The following CPNE8 variants were observed in gnomAD, a reference collection of about 807,000 sequenced individuals.
CPNE8 encodes the protein copine-8.
Under a neutral mutation model 81.5 loss-of-function variants are expected in CPNE8, and 45 were observed. That is an observed-to-expected ratio of 0.55 (90% CI 0.44 to 0.71). CPNE8 has a LOEUF of 0.71. Among genes scored for constraint, CPNE8 ranks in the 30% least tolerant of loss-of-function variants. The pLI, the probability that CPNE8 is intolerant of heterozygous loss-of-function variation, is 0.00. For missense variants in CPNE8, 594 were observed against 672.1 expected (o/e 0.88, Z 1.28); for synonymous variants, 252 against 226.3 (o/e 1.11, Z -1.02).
intron 14 of CPNE8, among the ~76,000 whole-genome samples, chr12:38,702,377 G>A (rs1377612949): frequency 6.6e-6 from 1 of 151,998 alleles, no homozygotes. Flanking sequence ...AGATATTAAT[G>A]TGTTAACATA....
At chr12:38,880,803 A>G (rs1315151624) in intron 1 of CPNE8, among the ~76,000 whole-genome samples, 2 of 152,194 alleles carry the variant, frequency 1.3e-5, no homozygotes, top group African/African-American at 4.8e-5. Context: ...CTGAATAAAC[A>G]ATACCCTGAG....
intron 3 of CPNE8, among the ~76,000 whole-genome samples, chr12:38,869,254 C>G (rs546344034): frequency 6.6e-6 from 1 of 152,244 alleles, no homozygotes; most frequent in South Asian, 2.1e-4. Context: ...CAGGAATTTA[C>G]CTACCTGCCA....
chr12:38,844,442 A>G (rs1297268488), intron 4 of CPNE8, among the ~76,000 whole-genome samples: 1 of 152,208 alleles, frequency 6.6e-6, no homozygotes, highest in East Asian at 1.9e-4. Context: ...ATGAAAATAA[A>G]TAAATGTCAA....
At chr12:38,786,894 G>C (rs1942202260) in intron 6 of CPNE8, among the ~76,000 whole-genome samples, 2 of 152,026 alleles carry the variant, frequency 1.3e-5, no homozygotes, top group Admixed American at 1.3e-4. Context: ...AATTATACTG[G>C]AGACTGGAAC....
chr12:38,830,644 A>G (rs1296810581), intron 5 of CPNE8, among the ~76,000 whole-genome samples: 2 of 152,240 alleles, frequency 1.3e-5, no homozygotes, highest in African/African-American at 4.8e-5. Flanking sequence ...AGAAGGATGG[A>G]CAGAGAGGAT....
chr12:38,876,458 C>T (rs1944067688), intron 1 of CPNE8, among the ~76,000 whole-genome samples: 2 of 152,256 alleles, frequency 1.3e-5, no homozygotes, highest in South Asian at 2.1e-4. Flanking sequence ...GGTGATCCAC[C>T]CACCTCTGCC....
At chr12:38,705,395 T>C (rs978432851) in intron 13 of CPNE8, among the ~76,000 whole-genome samples, 3 of 152,180 alleles carry the variant, frequency 2.0e-5, no homozygotes. Flanking sequence ...TCACACATTT[T>C]TTTTCCTACG....
At chr12:38,876,053 G>C (rs936498859) in intron 1 of CPNE8, among the ~76,000 whole-genome samples, 2 of 152,112 alleles carry the variant, frequency 1.3e-5, no homozygotes, top group South Asian at 2.1e-4. Flanking sequence ...AGAGATGACA[G>C]TGCAAAATAT....
At chr12:38,685,451 A>G in intron 16 of CPNE8, 39 bp downstream of exon 16, 1 of 1,601,082 alleles carries the variant, frequency 6.2e-7, no homozygotes. Flanking sequence ...ACCATGTTCC[A>G]GTACATCAGA....
At chr12:38,901,920 A>G (rs751721765) in intron 1 of CPNE8, among the ~76,000 whole-genome samples, 1 of 152,104 alleles carries the variant, frequency 6.6e-6, no homozygotes, top group Non-Finnish European at 1.5e-5. Flanking sequence ...TTATCTCTCA[A>G]TCAGATTTTA....
rs182428021 is a variant in CPNE8 at position 38,786,015 on chromosome 12, A to T, written c.408-9714T>A. On this transcript the variant is annotated intron_variant, in intron 6 of 19. Transcript: ENST00000331366. ...GGAAAGAAAGAAGAGAACACAAAAC[A>T]ACTAGAAAAAAAATAAGAAAATGAC... Among the ~76,000 whole-genome samples, 300 of 152,270 alleles carry T rather than the reference A, an allele frequency of 2.0e-3. 2 individuals are homozygous for T. The highest frequency in any genetic ancestry group is 6.2e-4 in the South Asian group (3 of 4,822).
chr12:38,879,443 G>A (rs1481337053), intron 1 of CPNE8, among the ~76,000 whole-genome samples: 1 of 151,876 alleles, frequency 6.6e-6, no homozygotes, highest in Non-Finnish European at 1.5e-5. Flanking sequence ...AAAAAATCCT[G>A]CAATATTATT....
chr12:38,877,314 T>C (rs1254755786), intron 1 of CPNE8, among the ~76,000 whole-genome samples: 1 of 152,094 alleles, frequency 6.6e-6, no homozygotes, highest in Non-Finnish European at 1.5e-5. Flanking sequence ...ATATTTTTCA[T>C]AGAAAAAAAT....
At chr12:38,732,158 CTG>C (rs1940846177) in intron 10 of CPNE8, among the ~76,000 whole-genome samples, 1 of 151,884 alleles carries the variant, frequency 6.6e-6, no homozygotes, top group East Asian at 1.9e-4. Context: ...CATTTTCTGA[CTG>C]TGCTAAACTT....
intron 4 of CPNE8, among the ~76,000 whole-genome samples, chr12:38,840,982 T>C (rs1406608427): frequency 6.6e-6 from 1 of 152,170 alleles, no homozygotes; most frequent in African/African-American, 2.4e-5. Context: ...GTGAATAACC[T>C]CCTACCAAAA....
At chr12:38,798,480 T>A (rs1410960709) in intron 6 of CPNE8, among the ~76,000 whole-genome samples, 1 of 151,840 alleles carries the variant, frequency 6.6e-6, no homozygotes, top group Non-Finnish European at 1.5e-5. Context: ...AATAAAATAC[T>A]TTACAGACAA....
At chr12:38,813,416 A>G (rs1426036492) in intron 6 of CPNE8, among the ~76,000 whole-genome samples, 3 of 152,240 alleles carry the variant, frequency 2.0e-5, no homozygotes, top group Admixed American at 6.5e-5. Context: ...ACTTCTGGCT[A>G]TCTAACCTAG....
chr12:38,803,526 C>T (rs1236556675), intron 6 of CPNE8, among the ~76,000 whole-genome samples: 2 of 143,488 alleles, frequency 1.4e-5, no homozygotes, highest in African/African-American at 5.1e-5. Context: ...TAAGAGCTAT[C>T]TATGACAAAC....
intron 14 of CPNE8, among the ~76,000 whole-genome samples, chr12:38,701,376 T>C (rs1430889738): frequency 6.6e-6 from 1 of 152,246 alleles, no homozygotes; most frequent in African/African-American, 2.4e-5. Flanking sequence ...ATGTTTGTCT[T>C]TTTATTTAAT....
Sources: allele counts gnomAD v4.1 joint callset (sites outside exome capture counted in the v4.1 genomes callset), GRCh38; gene constraint gnomAD v4.1.1; transcripts MANE v1.5; gene names NCBI Gene and HGNC (gene_info 2026-07-23, HGNC 2026-07-21).